The following MECR variants were observed in gnomAD, a reference collection of about 807,000 sequenced individuals.
The protein encoded by MECR is mitochondrial trans-2-enoyl-CoA reductase.
A neutral mutation model predicts 49.1 loss-of-function variants in MECR; 37 were observed. The observed-to-expected ratio is 0.75, with a 90% confidence interval of 0.58 to 0.99. The LOEUF is 0.99. MECR is among the 50% of genes least tolerant of loss of function. The pLI is 0.00. For synonymous variants in MECR, 198 were observed against 191.1 expected (o/e 1.04, Z -0.30); for missense variants, 470 against 479.6 (o/e 0.98, Z 0.19).
At position 29,230,882 on chromosome 1, in the gene MECR, G is replaced by A. The variant is rs1212323597; in HGVS notation, c.25C>T (p.Arg9Trp). 1.2e-6 allele frequency: 2 copies of A among 1,609,096 alleles called. No individual in the cohort carries two copies. Among genetic ancestry groups the A allele is most frequent in the East Asian group, 2.2e-5 (1 of 44,858 alleles). The change falls in exon 1 of 10, where the codon CGG becomes TGG. Residue 9 changes from arginine (R) to tryptophan (W), a missense_variant. Transcript: ENST00000263702. ...CACTGCCGGGCGGGGGTTCGCACCC[G>A]CCACAGGGTACTGCAGACCCACATG... MWVCSTLWRVRTPARQWRG... is the reference protein window; with the variant it reads MWVCSTLWWVRTPARQWRG...
At chr1:29,202,099 C>T (rs146250887) in intron 5 of MECR, 54 bp from the exon 6 acceptor site, 2 of 1,422,462 alleles carry the variant, frequency 1.4e-6, no homozygotes, top group South Asian at 1.2e-5. Context: ...TCCACCAAAG[C>T]CCCCCAGGAC....
At chr1:29,168,028 T>TA in the MECR span, among the ~76,000 whole-genome samples, 264 of 135,418 alleles carry the variant, frequency 1.9e-3, 1 homozygote, top group South Asian at 6.1e-3. Context: ...TTTTTTTTTT[T>TA]TAAAAAAAAC....
chr1:29,221,979 T>C (rs146209013), intron 1 of MECR, among the ~76,000 whole-genome samples: 2 of 152,266 alleles, frequency 1.3e-5, no homozygotes, highest in East Asian at 3.9e-4. Context: ...CTCAGAGAAA[T>C]AATTTACTCA....
chr1:29,227,449 A>C (rs1196408119), intron 1 of MECR, among the ~76,000 whole-genome samples: 2 of 152,246 alleles, frequency 1.3e-5, no homozygotes, highest in South Asian at 2.1e-4. Flanking sequence ...CCATTTTGGA[A>C]GAAAGGGAAA....
At chr1:29,202,525 C>T (rs560572112) in intron 5 of MECR, among the ~76,000 whole-genome samples, 60 of 152,278 alleles carry the variant, frequency 3.9e-4, no homozygotes, top group African/African-American at 1.2e-3. Context: ...GCTTCCATGA[C>T]AGCCACAGCC....
intron 4 of MECR, among the ~76,000 whole-genome samples, chr1:29,206,538 C>A (rs1676614562): frequency 6.6e-6 from 1 of 152,102 alleles, no homozygotes; most frequent in Non-Finnish European, 1.5e-5. Context: ...AGAATGTGAC[C>A]CTGCAGCAGT....
At chr1:29,180,600 T>C in the MECR span, among the ~76,000 whole-genome samples, 10 of 152,240 alleles carry the variant, frequency 6.6e-5, no homozygotes, top group East Asian at 1.5e-3. Flanking sequence ...TGTTGCAAAG[T>C]AGAGTTTCTT....
downstream of MECR, among the ~76,000 whole-genome samples, chr1:29,188,648 CT>C (rs35238492): frequency 1.3e-5 from 2 of 149,206 alleles, no homozygotes; most frequent in African/African-American, 2.5e-5. Flanking sequence ...GCCTATTTGT[CT>C]TTTTTTTTTG....
chr1:29,225,562 T>G (rs1681834197), intron 1 of MECR, among the ~76,000 whole-genome samples: 1 of 152,064 alleles, frequency 6.6e-6, no homozygotes, highest in Non-Finnish European at 1.5e-5. Flanking sequence ...CACAACAGAT[T>G]CAACTCTGTA....
At chr1:29,205,037 G>A (rs1313316095) in intron 4 of MECR, among the ~76,000 whole-genome samples, 4 of 152,216 alleles carry the variant, frequency 2.6e-5, no homozygotes, top group South Asian at 2.1e-4. Context: ...CAGCCACTGC[G>A]GCTCACGGAT....
chr1:29,181,321 G>A, the MECR span, among the ~76,000 whole-genome samples: 1 of 152,224 alleles, frequency 6.6e-6, no homozygotes, highest in Non-Finnish European at 1.5e-5. Context: ...CCAGTTCCGG[G>A]CCTAGGAAGG....
chr1:29,226,107 T>C (rs1681976898), intron 1 of MECR, among the ~76,000 whole-genome samples: 1 of 139,840 alleles, frequency 7.2e-6, no homozygotes, highest in Non-Finnish European at 1.5e-5. Flanking sequence ...AGGTGGAGGT[T>C]GCAGTGAGCC....
chr1:29,179,194 G>A, the MECR span, among the ~76,000 whole-genome samples: 1 of 152,048 alleles, frequency 6.6e-6, no homozygotes, highest in African/African-American at 2.4e-5. Flanking sequence ...AATAGTCGTT[G>A]TTTCTGGTTT....
At chr1:29,174,675 G>GTT in the MECR span, among the ~76,000 whole-genome samples, 198 of 130,680 alleles carry the variant, frequency 1.5e-3, 2 homozygotes, top group Middle Eastern at 4.1e-3. Context: ...CAGGAGATAG[G>GTT]TTTTTTTTTT....
Position 29,206,912 on chromosome 1 carries a change from CAGA to C in MECR, c.407-10_407-8del. The C allele has an allele frequency of 6.2e-7, 1 of 1,613,900 alleles. No homozygotes were observed. The highest frequency in any genetic ancestry group is 1.7e-5 in the Admixed American group (1 of 60,002). On this transcript the variant is annotated splice_region_variant and splice_polypyrimidine_tract_variant and intron_variant, in intron 3 of 9. Coordinates refer to ENST00000263702, the MANE Select transcript of MECR (RefSeq NM_016011.5). ...GCCTCGGTCCGCCAGGTTCCTGAGT[CAGA>C]AGATGAAGCCAGGATCATAAGGAAG... is the stretch of plus-strand genomic sequence containing the variant.
At chr1:29,222,779 G>A (rs1411032620) in intron 1 of MECR, among the ~76,000 whole-genome samples, 1 of 152,154 alleles carries the variant, frequency 6.6e-6, no homozygotes, top group Non-Finnish European at 1.5e-5. Context: ...CAGGTGGATG[G>A]TGTCGGGGGC....
chr1:29,182,363 TTA>T, the MECR span, among the ~76,000 whole-genome samples: 1 of 152,146 alleles, frequency 6.6e-6, no homozygotes, highest in Middle Eastern at 3.5e-3. Context: ...GTCTTGAGAA[TTA>T]TATGAGAATA....
chr1:29,183,199 G>C, the MECR span, among the ~76,000 whole-genome samples: 3 of 152,080 alleles, frequency 2.0e-5, no homozygotes, highest in Non-Finnish European at 4.4e-5. Context: ...CAAATAGTAG[G>C]ATACTATACA....
At chr1:29,181,534 C>T in the MECR span, 2 of 948,410 alleles carry the variant, frequency 2.1e-6, no homozygotes, top group Non-Finnish European at 3.0e-6. Flanking sequence ...GGAGCCTGGC[C>T]AGGCCGGTAG....
Sources: gnomAD v4.1 joint callset for allele counts (sites outside exome capture counted in the v4.1 genomes callset) on GRCh38, gnomAD v4.1.1 for gene constraint, MANE v1.5 for transcripts, NCBI Gene and HGNC (gene_info 2026-07-23, HGNC 2026-07-21) for gene names.